The following DNAJB1 variants were observed in gnomAD, a reference collection of about 807,000 sequenced individuals.
DNAJB1 encodes the protein dnaJ homolog subfamily B member 1.
Under a neutral mutation model 24.0 loss-of-function variants are expected in DNAJB1, and 14 were observed. The ratio of observed to expected loss-of-function variants is 0.58; its 90% confidence interval spans 0.39 to 0.91. DNAJB1 has a LOEUF of 0.91. DNAJB1 is among the 40% of genes least tolerant of loss of function. The probability of loss-of-function intolerance (pLI) is 0.00; values close to 1 mark genes in which losing one functional copy is unlikely to be tolerated. For synonymous variants in DNAJB1, 262 were observed against 174.4 expected, an observed-to-expected ratio of 1.50 and a Z score of -3.96; for missense variants, 517 against 458.1, an observed-to-expected ratio of 1.13 and a Z score of -1.17.
At chr19:14,544,195 C>G (rs182504646) in intron 1 of DNAJB1, among the ~76,000 whole-genome samples, 13 of 152,110 alleles carry the variant, frequency 8.5e-5, no homozygotes, top group Admixed American at 3.9e-4. Flanking sequence ...CGAGAAGCCT[C>G]TGCCCCTGAC....
chr19:14,521,454 C>G (rs1568383223), upstream of DNAJB1, among the ~76,000 whole-genome samples: 1 of 88,520 alleles, frequency 1.1e-5, no homozygotes, highest in Non-Finnish European at 2.2e-5. Flanking sequence ...GTGAGAGTTT[C>G]AAAATAATAA....
At position 14,541,085 on chromosome 19, in the gene DNAJB1, C is replaced by T. The variant is rs1342160893; in HGVS notation, c.-214+9123G>A. Among the ~76,000 whole-genome samples, 9 of 152,260 alleles carry T rather than the reference C, an allele frequency of 5.9e-5. 2 individuals carry two copies. The highest frequency in any genetic ancestry group is 3.9e-4 in the East Asian group (2 of 5,184). On this transcript the variant is annotated intron_variant, in intron 1 of 3. Transcript: ENST00000676982. ...AAGTGATCTGCCCAACTTGGCCTCCCGAAGTGCTGGGATTACAGGTGTGAG... is the reference window on the plus strand; with the variant it reads ...AAGTGATCTGCCCAACTTGGCCTCCTGAAGTGCTGGGATTACAGGTGTGAG...
At chr19:14,541,538 T>C (rs1347790004) in intron 1 of DNAJB1, among the ~76,000 whole-genome samples, 1 of 152,206 alleles carries the variant, frequency 6.6e-6, no homozygotes, top group Admixed American at 6.5e-5. Context: ...TTTTCCCTCT[T>C]ATCAATGCTA....
At chr19:14,543,720 G>A (rs948981696) in intron 1 of DNAJB1, among the ~76,000 whole-genome samples, 5 of 150,102 alleles carry the variant, frequency 3.3e-5, no homozygotes, top group African/African-American at 1.2e-4. Flanking sequence ...TTACAGGCGT[G>A]AGCCACCGCG....
Position 14,518,273 on chromosome 19 carries a change from C to T in DNAJB1, c.77G>A (p.Arg26His), listed in dbSNP as rs747484683. Residue 26 changes from arginine (R) to histidine (H), a missense_variant, in exon 1 of 3, where the codon CGC becomes CAC. Arg to His is a conservative substitution (Grantham distance 29). Coordinates refer to ENST00000254322, the MANE Select transcript of DNAJB1 (RefSeq NM_006145.3). ...SDEEIKRAYR[R>H]QALRYHPDKN... is the part of the protein sequence containing the mutation. Reference sequence around the variant, plus strand: ...GTCCGGGTGGTAGCGCAGCGCCTGGCGGCGGTAGGCCCGCTTGATCTCCTC... The same window carrying T: ...GTCCGGGTGGTAGCGCAGCGCCTGGTGGCGGTAGGCCCGCTTGATCTCCTC... 4 of 1,609,518 alleles carry T rather than the reference C, an allele frequency of 2.5e-6. No homozygotes were observed. The highest frequency in any genetic ancestry group is 3.4e-6 in the Non-Finnish European group (4 of 1,178,720).
chr19:14,535,580 A>ATG (rs2072865617), intron 1 of DNAJB1, among the ~76,000 whole-genome samples: 1 of 38,212 alleles, frequency 2.6e-5, no homozygotes, highest in African/African-American at 7.9e-5. Flanking sequence ...ATATATATAT[A>ATG]TATATATATG....
chr19:14,527,898 CT>C (rs999692839), intron 1 of DNAJB1: 21 of 147,876 alleles, frequency 1.4e-4, no homozygotes, highest in South Asian at 2.1e-4. Context: ...CTTTTTTTTT[CT>C]TTTTTTTTTG....
intron 1 of DNAJB1, among the ~76,000 whole-genome samples, chr19:14,538,950 A>G (rs531643586): frequency 6.6e-6 from 1 of 151,308 alleles, no homozygotes; most frequent in East Asian, 2.0e-4. Flanking sequence ...CAGTTTTGAT[A>G]TAATGTCACA....
rs766824792 is a variant in DNAJB1 at position 14,515,967 on chromosome 19, G to A, written c.996C>T (p.Thr332=). 11 of 1,609,538 alleles carry A rather than the reference G, an allele frequency of 6.8e-6. No individual in the cohort carries two copies. The highest frequency in any genetic ancestry group is 5.5e-5 in the South Asian group (5 of 90,816). The stretch of plus-strand genomic sequence containing the variant: ...ATATTGGAAGAACCTGCTCAAGTAC[G>A]GTTCTTGATGTCTGGGGAATCCTTT... ...FPERIPQTSR[T]VLEQVLPI The change falls in exon 3 of 3, where the codon ACC becomes ACT. Residue 332 remains threonine, a synonymous_variant. Coordinates refer to ENST00000254322, the MANE Select transcript of DNAJB1 (RefSeq NM_006145.3).
exon 1 of DNAJB1, chr19:14,529,227 C>G (rs1177674977): frequency 3.6e-6 from 1 of 278,690 alleles, no homozygotes; most frequent in Non-Finnish European, 7.3e-6. Flanking sequence ...TTTACCCCTT[C>G]GGCGCCGCCT....
upstream of DNAJB1, among the ~76,000 whole-genome samples, chr19:14,551,376 A>AT (rs367743982): frequency 1.6e-4 from 25 of 152,174 alleles, no homozygotes; most frequent in African/African-American, 6.0e-4. Context: ...CACCTGGCCA[A>AT]TTATTATATT....
upstream of DNAJB1, among the ~76,000 whole-genome samples, chr19:14,518,699 C>T (rs2072325103): frequency 6.6e-6 from 1 of 152,094 alleles, no homozygotes; most frequent in Non-Finnish European, 1.5e-5. Flanking sequence ...TCTACGCGGC[C>T]CCAGCTACCC....
chr19:14,557,896 C>G (rs1374406506), intron 1 of DNAJB1, among the ~76,000 whole-genome samples: 1 of 152,122 alleles, frequency 6.6e-6, no homozygotes, highest in East Asian at 1.9e-4. Flanking sequence ...GCTGGGACTA[C>G]AGGCACCCAC....
In DNAJB1 at chr19:14,516,830, T is replaced by G; in HGVS notation, c.428A>C (p.Asn143Thr). The G allele has an allele frequency of 6.2e-7, 1 of 1,613,832 alleles. No homozygotes were observed. The highest frequency in any genetic ancestry group is 1.3e-5 in the African/African-American group (1 of 75,008). Residue 143 changes from asparagine (N) to threonine (T), a missense_variant, in exon 2 of 3, where the codon AAC (asparagine) becomes ACC (threonine). Transcript: ENST00000254322. ...AGAGCGGGAGCGGCCAAAGTTCACG[T>G]TGGTGAAGCCACCCATGCCCATAGG... is the stretch of plus-strand genomic sequence containing the variant. The part of the protein sequence containing the change: ...GFPMGMGGFT[N>T]VNFGRSRSAQ...
chr19:14,546,634 T>G (rs948180181), intron 1 of DNAJB1, among the ~76,000 whole-genome samples: 2 of 152,214 alleles, frequency 1.3e-5, no homozygotes, highest in African/African-American at 4.8e-5. Context: ...GCCTGGATTT[T>G]TCTTTCTATG....
upstream of DNAJB1, among the ~76,000 whole-genome samples, chr19:14,519,166 G>A (rs1163754587): frequency 1.3e-5 from 2 of 152,266 alleles, no homozygotes; most frequent in South Asian, 2.1e-4. Flanking sequence ...TCAGGAGTTC[G>A]AGACCAGCCT....
intron 1 of DNAJB1, among the ~76,000 whole-genome samples, chr19:14,543,958 G>A (rs965439399): frequency 4.0e-5 from 6 of 150,350 alleles, no homozygotes; most frequent in African/African-American, 1.2e-4. Flanking sequence ...GGCAGGTCTC[G>A]AACTCCTGAC....
chr19:14,544,054 A>G (rs886431931), intron 1 of DNAJB1, among the ~76,000 whole-genome samples: 2 of 152,124 alleles, frequency 1.3e-5, no homozygotes, highest in Non-Finnish European at 2.9e-5. Flanking sequence ...ATAGTTTAAC[A>G]AAATCTCCCA....
intron 1 of DNAJB1, chr19:14,517,909 G>A (rs1044899079): frequency 1.7e-5 from 7 of 414,798 alleles, no homozygotes; most frequent in East Asian, 3.7e-5. Flanking sequence ...GCCCGGGGAG[G>A]GGCAGCCCCA....
Sources: gnomAD v4.1 joint callset for allele counts (sites outside exome capture counted in the v4.1 genomes callset) on GRCh38, gnomAD v4.1.1 for gene constraint, MANE v1.5 for transcripts, NCBI Gene and HGNC (gene_info 2026-07-23, HGNC 2026-07-21) for gene names.